CDK14: variants seen among roughly 807,000 people sequenced by gnomAD.
The protein encoded by CDK14 is cyclin-dependent kinase 14.
CDK14 carries 34 observed loss-of-function variants against 60.7 expected under a neutral mutation model. The ratio of observed to expected loss-of-function variants is 0.56; its 90% confidence interval spans 0.43 to 0.75. CDK14 has a LOEUF of 0.75. Among genes scored for constraint, CDK14 ranks in the 30% least tolerant of loss-of-function variants. CDK14 has a pLI of 0.00. For synonymous variants in CDK14, 197 were observed against 203.7 expected, an observed-to-expected ratio of 0.97 and a Z score of 0.28; for missense variants, 482 against 564.1, an observed-to-expected ratio of 0.85 and a Z score of 1.47.
At chr7:90,737,578 C>G (rs139571160) in intron 3 of CDK14, among the ~76,000 whole-genome samples, 1 of 152,154 alleles carries the variant, frequency 6.6e-6, no homozygotes, top group African/African-American at 2.4e-5. Flanking sequence ...TGTTTGGATC[C>G]ATACCTCTGC....
At chr7:91,145,238 C>A (rs1160357184) in intron 14 of CDK14, among the ~76,000 whole-genome samples, 1 of 152,182 alleles carries the variant, frequency 6.6e-6, no homozygotes, top group East Asian at 1.9e-4. Context: ...TCCGATTGAG[C>A]AATCTCACTG....
intron 12 of CDK14, among the ~76,000 whole-genome samples, chr7:91,091,045 A>G (rs1253240225): frequency 6.6e-6 from 1 of 151,860 alleles, no homozygotes; most frequent in Non-Finnish European, 1.5e-5. Context: ...TACATTGACT[A>G]CAAATAAAGC....
intron 7 of CDK14, among the ~76,000 whole-genome samples, chr7:90,912,186 T>C (rs1017776095): frequency 1.4e-4 from 22 of 151,742 alleles, no homozygotes; most frequent in African/African-American, 5.3e-4. Flanking sequence ...GAAGATCTTA[T>C]GGCTACTATA....
intron 9 of CDK14, among the ~76,000 whole-genome samples, chr7:90,968,683 A>ACC (rs1265401483): frequency 6.6e-6 from 1 of 152,106 alleles, no homozygotes; most frequent in Non-Finnish European, 1.5e-5. Context: ...CCTAATGGAA[A>ACC]CCCCAACAGA....
intron 10 of CDK14, among the ~76,000 whole-genome samples, chr7:91,022,014 G>A (rs1159442926): frequency 6.6e-6 from 1 of 152,176 alleles, no homozygotes; most frequent in Non-Finnish European, 1.5e-5. Flanking sequence ...CAAAGAGGGG[G>A]CCTGACAGTC....
intron 14 of CDK14, among the ~76,000 whole-genome samples, chr7:91,176,578 A>T (rs1266433232): frequency 3.3e-5 from 5 of 151,630 alleles, no homozygotes. Context: ...TAATAAAGAA[A>T]AAAAGAGAGA....
chr7:90,654,160 T>C (rs1800705308), intron 2 of CDK14, among the ~76,000 whole-genome samples: 1 of 152,196 alleles, frequency 6.6e-6, no homozygotes, highest in African/African-American at 2.4e-5. Context: ...TCTTCTTCCC[T>C]TTCCCACTCC....
intron 5 of CDK14, among the ~76,000 whole-genome samples, chr7:90,804,749 A>C (rs1394234168): frequency 6.6e-6 from 1 of 152,110 alleles, no homozygotes; most frequent in Non-Finnish European, 1.5e-5. Flanking sequence ...TGGCTGTTTT[A>C]AATTTGTAAA....
In CDK14 at chr7:91,057,089, G is replaced by C. The variant is rs562370256; in HGVS notation, c.1105+11129G>C. On this transcript the variant is annotated intron_variant, in intron 11 of 14. Coordinates refer to ENST00000380050, the MANE Select transcript of CDK14 (RefSeq NM_001287135.2). ...GCACCTGTTGTTTCCTGACTTTTTA[G>C]TGATTGCCATTCTAACTGGTGTGAG... is the stretch of plus-strand genomic sequence containing the variant. Among the ~76,000 whole-genome samples, 712 of 152,104 alleles carry C rather than the reference G, an allele frequency of 4.7e-3. 2 individuals are homozygous for C. Among genetic ancestry groups the C allele is most frequent in the Non-Finnish European group, 7.4e-3 (502 of 67,982 alleles).
intron 8 of CDK14, among the ~76,000 whole-genome samples, chr7:90,930,754 A>C (rs1793567918): frequency 6.6e-6 from 1 of 152,154 alleles, no homozygotes; most frequent in Admixed American, 6.5e-5. Context: ...ACAGTTTATG[A>C]AGTGCTTCAT....
chr7:90,918,924 T>A (rs1468883584), intron 8 of CDK14, among the ~76,000 whole-genome samples: 1 of 152,242 alleles, frequency 6.6e-6, no homozygotes, highest in Non-Finnish European at 1.5e-5. Flanking sequence ...TATAAAACTT[T>A]GTCATTTCCT....
chr7:90,638,010 G>T (rs1800200627), intron 2 of CDK14, among the ~76,000 whole-genome samples: 1 of 143,890 alleles, frequency 6.9e-6, no homozygotes, highest in Admixed American at 7.2e-5. Context: ...CTTTTATTTT[G>T]AGCCTATGTG....
chr7:91,091,292 AT>A (rs1430936481), intron 12 of CDK14, among the ~76,000 whole-genome samples: 3 of 144,844 alleles, frequency 2.1e-5, no homozygotes, highest in Non-Finnish European at 3.0e-5. Context: ...ATATGTATAT[AT>A]TTTTATATAT....
intron 1 of CDK14, among the ~76,000 whole-genome samples, chr7:90,600,533 T>C (rs1474089018): frequency 1.3e-5 from 2 of 152,332 alleles, no homozygotes; most frequent in Admixed American, 6.5e-5. Context: ...ACATGGTTTG[T>C]GAGGGAACTA....
At position 90,914,114 on chromosome 7, in the gene CDK14, C is replaced by T. The variant is rs114593299; in HGVS notation, c.703-3487C>T. On this transcript the variant is annotated intron_variant, in intron 7 of 14. Transcript: ENST00000380050. ...TTTCTCGGAATTTATGTTATACCTGCTTGCTTGGTCTTCTTAGTGTTTTCC... is the reference window on the plus strand; with the variant it reads ...TTTCTCGGAATTTATGTTATACCTGTTTGCTTGGTCTTCTTAGTGTTTTCC... 8.1e-3 allele frequency among the ~76,000 whole-genome samples: 1,239 copies of T among 152,146 alleles called. 25 individuals are homozygous for T. Among genetic ancestry groups the T allele is most frequent in the African/African-American group, 0.026 (1,071 of 41,524 alleles).
intron 5 of CDK14, among the ~76,000 whole-genome samples, chr7:90,806,117 A>C (rs576373916): frequency 6.6e-6 from 1 of 152,316 alleles, no homozygotes; most frequent in African/African-American, 2.4e-5. Context: ...TTATATAATA[A>C]TATACACAAA....
intron 4 of CDK14, among the ~76,000 whole-genome samples, chr7:90,762,135 AT>A (rs1478844473): frequency 6.6e-6 from 1 of 152,286 alleles, no homozygotes; most frequent in East Asian, 1.9e-4. Flanking sequence ...AGGAGAGGAC[AT>A]TTATGCATAG....
intron 2 of CDK14, among the ~76,000 whole-genome samples, chr7:90,630,597 G>C (rs891159057): frequency 5.9e-5 from 9 of 152,104 alleles, no homozygotes; most frequent in African/African-American, 2.2e-4. Flanking sequence ...TACCATTCTG[G>C]CAAATCCCAT....
intron 9 of CDK14, among the ~76,000 whole-genome samples, chr7:90,972,275 T>G (rs981430927): frequency 3.3e-5 from 5 of 152,170 alleles, no homozygotes. Flanking sequence ...CCACAGTAAA[T>G]GATGAGTGGC....
Sources: gnomAD v4.1 joint callset for allele counts (sites outside exome capture counted in the v4.1 genomes callset) on GRCh38, gnomAD v4.1.1 for gene constraint, MANE v1.5 for transcripts, NCBI Gene and HGNC (gene_info 2026-07-23, HGNC 2026-07-21) for gene names.